Variants in C1orf74 observed in about 807,000 individuals in gnomAD.
C1orf74 encodes chromosome 1 open reading frame 74, also known as UPF0739 protein C1orf74.
In C1orf74, 5 loss-of-function variants were observed where a neutral mutation model predicts 7.3. The observed-to-expected ratio is 0.68, with a 90% CI of 0.36 to 1.44. The LOEUF (loss-of-function observed/expected upper bound fraction) is 1.44, where lower values mean the gene tolerates loss of function less well. Ranked by LOEUF, C1orf74 falls within the 40% of genes most tolerant of loss-of-function variation. C1orf74 has a pLI of 0.04. For missense variants in C1orf74, 291 were observed against 314.3 expected (o/e 0.93, Z 0.56); for synonymous variants, 121 against 132.5 (o/e 0.91, Z 0.59).
chr1:209,783,367 C>G lies in C1orf74; in HGVS notation c.268G>C (p.Glu90Gln). ...TCAGGACTGACAATCAGGCTGTTTT[C>G]TCCAATCTCAAGGATGTGAAGTCCA... ...TFGLHILEIG[E>Q]NSLIVSPEHV... Residue 90 changes from glutamate (E) to glutamine (Q), a missense_variant, in exon 2 of 2, where the codon GAA becomes CAA. Glu to Gln is a conservative substitution (Grantham distance 29). Coordinates refer to ENST00000294811, the MANE Select transcript of C1orf74 (RefSeq NM_152485.4). 1 of 1,614,190 alleles carries G rather than the reference C, an allele frequency of 6.2e-7. No homozygotes were observed. Among genetic ancestry groups the G allele is most frequent in the East Asian group, 2.2e-5 (1 of 44,882 alleles).
rs1460650312 is a variant in C1orf74 at position 209,782,200 on chromosome 1, A to G, written c.*625T>C. The G allele has an allele frequency of 6.9e-7, 1 of 1,453,232 alleles. No individual in the cohort carries two copies. Among genetic ancestry groups the G allele is most frequent in the African/African-American group, 1.4e-5 (1 of 71,748 alleles). The allele number at this position is 1,453,232 out of a possible 1,614,324, so 90.0% of individuals were successfully genotyped here. ...AAAATCAGAAGCAAGCAACTCAGCG[A>G]AAAACTCAGAAGGTTTGGGTACATT... On this transcript the variant is annotated 3_prime_UTR_variant, in exon 2 of 2. Coordinates refer to ENST00000294811, the MANE Select transcript of C1orf74 (RefSeq NM_152485.4).
rs1341855825 is a variant in C1orf74 at position 209,779,558 on chromosome 1, T to A, written c.*3267A>T. 2.2e-5 allele frequency: 16 copies of A among 717,340 alleles called. No homozygotes were observed. The East Asian group carries it at 4.3e-4, about 19-fold the overall frequency. 44.4% of individuals were successfully genotyped at this position (717,340 alleles called of 1,614,324 possible). A position where few individuals can be genotyped will look rare whatever the true frequency, so the allele number is the denominator to read the frequency against. On this transcript the variant is annotated 3_prime_UTR_variant, in exon 2 of 2. Transcript: ENST00000294811. ...CTGAGGACACTTCAACTAGTTAGCC[T>A]TCTATCTTGAGGTATATAAACTGTG...
rs2077808051 is a variant in C1orf74 at position 209,783,115 on chromosome 1, C to T, written c.520G>A (p.Gly174Arg). 2.5e-6 allele frequency: 4 copies of T among 1,614,106 alleles called. No homozygotes were observed. The highest frequency in any genetic ancestry group is 3.4e-6 in the Non-Finnish European group (4 of 1,180,026). ...GGAACAGGATAGCCCAGGAGGATCC[C>T]AAATACAGTACACAGATTCCAGTCT... ...SSDWNLCTVF[G>R]ILLGYPVPYT... The change falls in exon 2 of 2, where the codon GGG becomes AGG. Residue 174 changes from glycine to arginine, a missense_variant. Transcript: ENST00000294811.
rs1262555165 is a variant in C1orf74, at chr1:209,779,485, T to G, written c.*3340A>C. Reference sequence around the variant, plus strand: ...GGAGTCCCAGCCAGTTCTGGGAGTCTGTTAAGTCCGGGATGTGTGGGAGCT... The same window carrying G: ...GGAGTCCCAGCCAGTTCTGGGAGTCGGTTAAGTCCGGGATGTGTGGGAGCT... On this transcript the variant is annotated 3_prime_UTR_variant, in exon 2 of 2. Coordinates refer to ENST00000294811, the MANE Select transcript of C1orf74 (RefSeq NM_152485.4). 1.1e-6 allele frequency: 1 copy of G among 921,318 alleles called. No homozygotes were observed. The highest frequency in any genetic ancestry group is 1.4e-5 in the South Asian group (1 of 73,924). The allele number at this position is 921,318 out of a possible 1,614,324, so 57.1% of individuals were successfully genotyped here.
chr1:209,780,267 G>A lies in C1orf74; in HGVS notation c.*2558C>T. The A allele has an allele frequency of 2.5e-6, 1 of 402,816 alleles. No homozygotes were observed. The highest frequency in any genetic ancestry group is 4.4e-6 in the Non-Finnish European group (1 of 228,378). The allele number at this position is 402,816 out of a possible 1,614,324, so 25.0% of individuals were successfully genotyped here. ...GAAAAGATCCCAATCTTGCCCTCAA[G>A]GAGCTCAGATTCCAGCTGTCTGTCC... is the stretch of plus-strand genomic sequence containing the variant. On this transcript the variant is annotated 3_prime_UTR_variant, in exon 2 of 2. Transcript: ENST00000294811.
In C1orf74 at chr1:209,779,594, T is replaced by C; in HGVS notation, c.*3231A>G. On this transcript the variant is annotated 3_prime_UTR_variant, in exon 2 of 2. Coordinates refer to ENST00000294811, the MANE Select transcript of C1orf74 (RefSeq NM_152485.4). ...GGTATATAAACTGTGAAAAAGGGTT[T>C]CTATTCTCTCTGAAAGCACATGTCT... 3 of 663,394 alleles carry C rather than the reference T, an allele frequency of 4.5e-6. No individual in the cohort carries two copies. Among genetic ancestry groups the C allele is most frequent in the Non-Finnish European group, 8.3e-6 (3 of 362,384 alleles). 41.1% of individuals were successfully genotyped at this position (663,394 alleles called of 1,614,324 possible).
chr1:209,779,216 G>T lies in C1orf74; in HGVS notation c.*3609C>A. 1 of 921,630 alleles carries T rather than the reference G, an allele frequency of 1.1e-6. No individual in the cohort carries two copies. 57.1% of individuals were successfully genotyped at this position (921,630 alleles called of 1,614,324 possible). On this transcript the variant is annotated 3_prime_UTR_variant, in exon 2 of 2. Coordinates refer to ENST00000294811, the MANE Select transcript of C1orf74 (RefSeq NM_152485.4). The stretch of plus-strand genomic sequence containing the variant: ...ACAAAATTCAACACACAGCAGATGG[G>T]AACATATTTAATAACCAAGGTTCTA...
rs998074302 is a variant in C1orf74 at position 209,784,505 on chromosome 1, G to A, written c.-203C>T. The A allele has an allele frequency of 5.9e-5, 9 of 152,274 alleles. No individual in the cohort carries two copies. The highest frequency in any genetic ancestry group is 1.7e-4 in the African/African-American group (7 of 41,470). The allele number at this position is 152,274 out of a possible 1,614,324, so 9.4% of individuals were successfully genotyped here. ...TAACACTGGAAAACCCGCCTGCGCT[G>A]GGAAGACCCTCGCAGCCCGCTCTGC... On this transcript the variant is annotated 5_prime_UTR_variant, in exon 1 of 2. It introduces an in-frame stop codon into an upstream open reading frame of the 5' UTR. Transcript: ENST00000294811.
Position 209,782,847 on chromosome 1 carries a change from G to A in C1orf74, c.788C>T (p.Thr263Ile), listed in dbSNP as rs1408699664. 3.1e-6 allele frequency: 5 copies of A among 1,613,714 alleles called. No individual in the cohort carries two copies. The highest frequency in any genetic ancestry group is 4.2e-6 in the Non-Finnish European group (5 of 1,179,912). ...AAGTCAGAGGGCCACAGCCGGCAGTGTGACTATCTCAGAGGAGATGCTGAG... is the reference window on the plus strand; with the variant it reads ...AAGTCAGAGGGCCACAGCCGGCAGTATGACTATCTCAGAGGAGATGCTGAG... ...ADLSISSEIVTLPAVAL is the reference protein window; with the variant it reads ...ADLSISSEIVILPAVAL The change falls in exon 2 of 2, where the codon ACA becomes ATA. Residue 263 changes from threonine (T) to isoleucine (I), a missense_variant. Coordinates refer to ENST00000294811, the MANE Select transcript of C1orf74 (RefSeq NM_152485.4).
rs2077806153 is a variant in C1orf74 at position 209,782,916 on chromosome 1, T to C, written c.719A>G (p.Lys240Arg). 1.2e-6 allele frequency: 2 copies of C among 1,614,174 alleles called. No homozygotes were observed. The highest frequency in any genetic ancestry group is 1.1e-5 in the South Asian group (1 of 91,082). ...GLRDILNTWE[K>R]DLRTRFRTQN... ...AGTCCTAAATCGGGTTCTGAGGTCC[T>C]TCTCCCAGGTGTTTAGAATGTCCCT... Residue 240 changes from lysine to arginine, a missense_variant, in exon 2 of 2, where the codon AAG becomes AGG. Lys to Arg is a conservative substitution (Grantham distance 26, BLOSUM62 2). Coordinates refer to ENST00000294811, the MANE Select transcript of C1orf74 (RefSeq NM_152485.4).
At position 209,781,271 on chromosome 1, in the gene C1orf74, A is replaced by G. The variant is rs1418387778; in HGVS notation, c.*1554T>C. ...AAATTCCAAATGAGTGAAACTTACA[A>G]AGGGCAGTCTCCCCTGCCTGGGCTC... On this transcript the variant is annotated 3_prime_UTR_variant, in exon 2 of 2. Coordinates refer to ENST00000294811, the MANE Select transcript of C1orf74 (RefSeq NM_152485.4). The G allele has an allele frequency of 3.1e-6, 3 of 957,932 alleles. No individual in the cohort carries two copies. The African/African-American group carries it at 4.9e-5, about 16-fold the overall frequency. The allele number at this position is 957,932 out of a possible 1,614,324, so 59.3% of individuals were successfully genotyped here.
In C1orf74 at chr1:209,782,839, C is replaced by A; in HGVS notation, c.796G>T (p.Ala266Ser). The A allele has an allele frequency of 6.2e-7, 1 of 1,613,814 alleles. No homozygotes were observed. Residue 266 changes from alanine (A) to serine (S), a missense_variant, in exon 2 of 2, where the codon GCT becomes TCT. Ala to Ser is a moderately conservative substitution (Grantham distance 99, BLOSUM62 1). Coordinates refer to ENST00000294811, the MANE Select transcript of C1orf74 (RefSeq NM_152485.4). Reference protein sequence around the residue: ...SISSEIVTLPAVAL With the variant: ...SISSEIVTLPSVAL ...GAGAGTTAAAGTCAGAGGGCCACAG[C>A]CGGCAGTGTGACTATCTCAGAGGAG...
In C1orf74 at chr1:209,780,490, A is replaced by G. The variant is rs1459088344; in HGVS notation, c.*2335T>C. 1 of 1,594,692 alleles carries G rather than the reference A, an allele frequency of 6.3e-7. No individual in the cohort carries two copies. The highest frequency in any genetic ancestry group is 8.6e-7 in the Non-Finnish European group (1 of 1,169,548). Reference sequence around the variant, plus strand: ...TTTAGATCAGGCTTTGCCCGTGTGGAGTCCAAAGTCCTTCCCTAACGAAGT... The same window carrying G: ...TTTAGATCAGGCTTTGCCCGTGTGGGGTCCAAAGTCCTTCCCTAACGAAGT... On this transcript the variant is annotated 3_prime_UTR_variant, in exon 2 of 2. Transcript: ENST00000294811.
rs1218489418 is a variant in C1orf74, at chr1:209,780,823, A to G, written c.*2002T>C. The G allele has an allele frequency of 1.2e-4, 40 of 337,200 alleles. No individual in the cohort carries two copies. In the East Asian group the frequency reaches 2.0e-3, roughly 17 times the overall value. 20.9% of individuals were successfully genotyped at this position (337,200 alleles called of 1,614,324 possible). On this transcript the variant is annotated 3_prime_UTR_variant, in exon 2 of 2. Transcript: ENST00000294811. ...CTATTCAAGGTTTTATTAAATGATT[A>G]CCTTTTAGAAAGTCGACCAAAACTC...
Position 209,780,945 on chromosome 1 carries a change from T to C in C1orf74, c.*1880A>G, listed in dbSNP as rs1396127419. 1 of 184,646 alleles carries C rather than the reference T, an allele frequency of 5.4e-6. No homozygotes were observed. The highest frequency in any genetic ancestry group is 1.1e-5 in the Non-Finnish European group (1 of 88,570). The allele number at this position is 184,646 out of a possible 1,614,324, so 11.4% of individuals were successfully genotyped here. A position where few individuals can be genotyped will look rare whatever the true frequency, so the allele number is the denominator to read the frequency against. ...CTCTTAAAGAGTAAAACTCTTCCTT[T>C]GTACATACTCACAAACATACACATC... On this transcript the variant is annotated 3_prime_UTR_variant, in exon 2 of 2. Transcript: ENST00000294811.
At position 209,782,442 on chromosome 1, in the gene C1orf74, G is replaced by T. The variant is rs1418988832; in HGVS notation, c.*383C>A. 1.1e-5 allele frequency: 5 copies of T among 467,784 alleles called. No homozygotes were observed. In the East Asian group the frequency reaches 1.2e-4, roughly 11 times the overall value. The allele number at this position is 467,784 out of a possible 1,614,324, so 29.0% of individuals were successfully genotyped here. ...ATATAAACATGCAGAAAAGCCCCCAGCCCTACTTTCCTAGCATGCAGCACC... is the reference window on the plus strand; with the variant it reads ...ATATAAACATGCAGAAAAGCCCCCATCCCTACTTTCCTAGCATGCAGCACC... On this transcript the variant is annotated 3_prime_UTR_variant, in exon 2 of 2. Coordinates refer to ENST00000294811, the MANE Select transcript of C1orf74 (RefSeq NM_152485.4).
rs7550857 is a variant in C1orf74, at chr1:209,783,197, C to A, written c.438G>T (p.Leu146Phe). The change falls in exon 2 of 2, where the codon TTG becomes TTT. Residue 146 changes from leucine (L) to phenylalanine (F), a missense_variant. Physicochemically the swap from Leu to Phe is conservative, Grantham distance 22. Coordinates refer to ENST00000294811, the MANE Select transcript of C1orf74 (RefSeq NM_152485.4). ...KALVAEIITHLQGLQRDLSLA... is the reference protein window; with the variant it reads ...KALVAEIITHFQGLQRDLSLA... ...GAGATAAGTCCCTCTGCAGCCCCTG[C>A]AAATGTGTGATGATCTCAGCCACGA... 0.16 allele frequency: 263,909 copies of A among 1,613,914 alleles called. 22,648 individuals carry two copies. Among genetic ancestry groups the A allele is most frequent in the African/African-American group, 0.23 (17,031 of 74,934 alleles).
rs1046215808 is a variant in C1orf74, at chr1:209,780,398, T to A, written c.*2427A>T. 2.6e-5 allele frequency: 36 copies of A among 1,376,362 alleles called. No individual in the cohort carries two copies. In the African/African-American group the frequency reaches 4.9e-4, roughly 19 times the overall value. The allele number at this position is 1,376,362 out of a possible 1,614,324, so 85.3% of individuals were successfully genotyped here. A position where few individuals can be genotyped will look rare whatever the true frequency, so the allele number is the denominator to read the frequency against. ...TTCCCTCCCCTCTCCCCACTCCTAG[T>A]GGTTTCACCCTCAGGGCCCTTCCTC... On this transcript the variant is annotated 3_prime_UTR_variant, in exon 2 of 2. Coordinates refer to ENST00000294811, the MANE Select transcript of C1orf74 (RefSeq NM_152485.4).
rs2077802001 is a variant in C1orf74 at position 209,782,525 on chromosome 1, A to C, written c.*300T>G. ...TGCAAGAGTGTTTGGCTTGTCTTCC[A>C]TCACCCTGCTTTTCCTCTATCATCT... On this transcript the variant is annotated 3_prime_UTR_variant, in exon 2 of 2. Transcript: ENST00000294811. The C allele has an allele frequency of 4.1e-6, 2 of 486,928 alleles. No homozygotes were observed. Among genetic ancestry groups the C allele is most frequent in the South Asian group, 4.8e-5 (2 of 42,004 alleles). The allele number at this position is 486,928 out of a possible 1,614,324, so 30.2% of individuals were successfully genotyped here.
Sources: gnomAD v4.1 joint callset for allele counts on GRCh38, gnomAD v4.1.1 for gene constraint, MANE v1.5 for transcripts, NCBI Gene and HGNC (gene_info 2026-07-23, HGNC 2026-07-21) for gene names.